Variants in KCNH5 observed in about 807,000 individuals in gnomAD.
KCNH5 encodes voltage-gated delayed rectifier potassium channel KCNH5.
A neutral mutation model predicts 96.1 loss-of-function variants in KCNH5; 46 were observed. The observed-to-expected ratio is 0.48, with a 90% CI of 0.38 to 0.61. The LOEUF is 0.61. Among genes scored for constraint, KCNH5 ranks in the 20% least tolerant of loss-of-function variants. The pLI is 0.00. For missense variants in KCNH5, 907 were observed against 1,225.8 expected (o/e 0.74, Z 3.88); for synonymous variants, 439 against 449.8 (o/e 0.98, Z 0.30).
intron 8 of KCNH5, among the ~76,000 whole-genome samples, chr14:62,848,406 C>G (rs562503166): frequency 2.0e-5 from 3 of 152,250 alleles, no homozygotes; most frequent in African/African-American, 7.2e-5. Flanking sequence ...TTCATGCGTA[C>G]TACTTCAAGG....
intron 7 of KCNH5, among the ~76,000 whole-genome samples, chr14:62,916,227 C>T (rs964956101): frequency 7.9e-5 from 12 of 152,142 alleles, no homozygotes; most frequent in Admixed American, 1.3e-4. Context: ...GCTGGGATTA[C>T]AGGCGTGAGC....
At chr14:62,790,929 T>C (rs890260954) in intron 9 of KCNH5, among the ~76,000 whole-genome samples, 2 of 151,864 alleles carry the variant, frequency 1.3e-5, no homozygotes, top group African/African-American at 4.8e-5. Context: ...ACAGAGATAA[T>C]TTTACTTTTT....
intron 8 of KCNH5, among the ~76,000 whole-genome samples, chr14:62,825,057 G>C (rs1222002240): frequency 6.6e-6 from 1 of 151,994 alleles, no homozygotes; most frequent in Non-Finnish European, 1.5e-5. Flanking sequence ...GAACAGCACT[G>C]CAATGAACAT....
chr14:62,909,393 G>T (rs1018216388), intron 7 of KCNH5, among the ~76,000 whole-genome samples: 6 of 152,160 alleles, frequency 3.9e-5, no homozygotes, highest in African/African-American at 1.4e-4. Context: ...GGATATGGAA[G>T]AACAGAAAGT....
At chr14:62,731,324 A>T (rs1005080914) in intron 10 of KCNH5, among the ~76,000 whole-genome samples, 13 of 151,696 alleles carry the variant, frequency 8.6e-5, no homozygotes, top group African/African-American at 1.4e-4. Context: ...ATAATAAATT[A>T]AAAAATAAAT....
intron 2 of KCNH5, among the ~76,000 whole-genome samples, chr14:63,008,895 CATA>C: frequency 6.6e-6 from 1 of 152,112 alleles, no homozygotes; most frequent in Non-Finnish European, 1.5e-5. Flanking sequence ...TAATATTGTA[CATA>C]ATATTTTTAT....
At chr14:62,728,248 G>C (rs1228810341) in intron 10 of KCNH5, among the ~76,000 whole-genome samples, 1 of 151,358 alleles carries the variant, frequency 6.6e-6, no homozygotes, top group East Asian at 2.0e-4. Context: ...ATAGCTGGGC[G>C]TGGTGGCAGG....
At chr14:62,776,118 T>G (rs541865321) in intron 10 of KCNH5, among the ~76,000 whole-genome samples, 1 of 152,168 alleles carries the variant, frequency 6.6e-6, no homozygotes, top group East Asian at 1.9e-4. Flanking sequence ...AATACAAAAA[T>G]TAGCTGGGCG....
chr14:62,865,388 T>C (rs199562968), intron 7 of KCNH5, among the ~76,000 whole-genome samples: 2 of 136,768 alleles, frequency 1.5e-5, no homozygotes, highest in African/African-American at 5.5e-5. Context: ...TGGACTGGAG[T>C]GGGAAAGAGA....
intron 7 of KCNH5, among the ~76,000 whole-genome samples, chr14:62,885,622 G>A (rs868559354): frequency 2.0e-5 from 3 of 152,158 alleles, no homozygotes; most frequent in South Asian, 2.1e-4. Flanking sequence ...TATGTGTCAC[G>A]CACTGTGTCA....
intron 6 of KCNH5, among the ~76,000 whole-genome samples, chr14:62,958,791 T>G (rs2140136745): frequency 6.6e-6 from 1 of 152,156 alleles, no homozygotes; most frequent in South Asian, 2.1e-4. Flanking sequence ...ATACAGTGGG[T>G]TCCACTATAA....
chr14:62,844,901 T>C lies in KCNH5; in HGVS notation c.1569+4752A>G, dbSNP rs372852981. Among the ~76,000 whole-genome samples, 53 of 152,298 alleles carry C rather than the reference T, an allele frequency of 3.5e-4. 1 individual carries two copies. The East Asian group carries it at 7.7e-3, about 22-fold the overall frequency. ...TATAAAACTAAATATGTGGAAATGA[T>C]AGAAGGAAATCTCAGTCATTGGGGC... On this transcript the variant is annotated intron_variant, in intron 8 of 10. Transcript: ENST00000322893.
At chr14:62,719,507 A>T (rs1884759512) in intron 10 of KCNH5, among the ~76,000 whole-genome samples, 1 of 152,254 alleles carries the variant, frequency 6.6e-6, no homozygotes, top group Admixed American at 6.5e-5. Context: ...TGAATTGGGC[A>T]GCCCCCAGAA....
intron 1 of KCNH5, among the ~76,000 whole-genome samples, chr14:63,028,223 C>T (rs1242191853): frequency 6.6e-6 from 1 of 152,062 alleles, no homozygotes; most frequent in East Asian, 1.9e-4. Context: ...ACCCTGCCCC[C>T]ATCATACCAT....
intron 7 of KCNH5, among the ~76,000 whole-genome samples, chr14:62,944,324 G>C (rs372595955): frequency 4.7e-4 from 71 of 152,272 alleles, no homozygotes; most frequent in African/African-American, 1.7e-3. Context: ...AATATAGGCA[G>C]TTGGTGTCTC....
intron 6 of KCNH5, among the ~76,000 whole-genome samples, chr14:62,957,692 T>C (rs1344745149): frequency 2.6e-5 from 4 of 152,170 alleles, no homozygotes; most frequent in Non-Finnish European, 5.9e-5. Context: ...CCTCCACCTG[T>C]GGTCTTGGAA....
intron 9 of KCNH5, among the ~76,000 whole-genome samples, chr14:62,801,830 G>A (rs1183308098): frequency 1.3e-5 from 2 of 152,102 alleles, no homozygotes; most frequent in Non-Finnish European, 2.9e-5. Context: ...TACTTAGGTT[G>A]ACCGTGATGA....
At chr14:62,891,506 C>T (rs1033355118) in intron 7 of KCNH5, among the ~76,000 whole-genome samples, 2 of 151,942 alleles carry the variant, frequency 1.3e-5, no homozygotes, top group African/African-American at 4.8e-5. Flanking sequence ...ACCCCCGTGA[C>T]ATGAGTTTAC....
chr14:62,736,953 T>G (rs915229167), intron 10 of KCNH5, among the ~76,000 whole-genome samples: 4 of 152,164 alleles, frequency 2.6e-5, no homozygotes, highest in Non-Finnish European at 5.9e-5. Flanking sequence ...CCTTCAAACA[T>G]GCCAAGAAAA....
Sources: allele counts gnomAD v4.1 joint callset (sites outside exome capture counted in the v4.1 genomes callset), GRCh38; gene constraint gnomAD v4.1.1; transcripts MANE v1.5; gene names NCBI Gene and HGNC (gene_info 2026-07-23, HGNC 2026-07-21).